The following UAP1 variants were observed in gnomAD, a reference collection of about 807,000 sequenced individuals.
UAP1 encodes UDP-N-acetylhexosamine pyrophosphorylase.
In UAP1, 25 loss-of-function variants were observed where a neutral mutation model predicts 58.5. The observed-to-expected ratio is 0.43, with a 90% CI of 0.31 to 0.60. The LOEUF is 0.60. Ranked by LOEUF, UAP1 falls within the 20% of genes least tolerant of loss-of-function variation. The pLI, the probability that UAP1 is intolerant of heterozygous loss-of-function variation, is 0.11. For synonymous variants in UAP1, 208 were observed against 213.0 expected (o/e 0.98, Z 0.21); for missense variants, 575 against 630.0 (o/e 0.91, Z 0.93).
intron 8 of UAP1, among the ~76,000 whole-genome samples, chr1:162,592,066 C>T (rs968924932): frequency 3.9e-5 from 6 of 152,130 alleles, no homozygotes; most frequent in Non-Finnish European, 7.3e-5. Context: ...ATATTCCTAA[C>T]GGATAAGATG....
At chr1:162,562,692 G>A (rs1289013228) in intron 1 of UAP1, 1 of 150,892 alleles carries the variant, frequency 6.6e-6, no homozygotes, top group Non-Finnish European at 1.5e-5. Flanking sequence ...GGAAACTCAA[G>A]GCAGTTGTCT....
chr1:162,583,265 G>T (rs924719107), intron 5 of UAP1, among the ~76,000 whole-genome samples: 2 of 143,720 alleles, frequency 1.4e-5, no homozygotes, highest in Non-Finnish European at 3.0e-5. Context: ...CAATTCTCCT[G>T]CCTCAGCCTC....
intron 5 of UAP1, among the ~76,000 whole-genome samples, chr1:162,582,137 T>C (rs1654630847): frequency 6.6e-6 from 1 of 152,218 alleles, no homozygotes; most frequent in Non-Finnish European, 1.5e-5. Flanking sequence ...AAAAACACTT[T>C]GGAAGACCTA....
At chr1:162,590,552 G>A in intron 8 of UAP1, 41 bp downstream of exon 8, 1 of 1,499,232 alleles carries the variant, frequency 6.7e-7, no homozygotes. Flanking sequence ...ATCCTTTCTT[G>A]GACTTTTCCT....
At chr1:162,598,041 A>G (rs540948832) in intron 10 of UAP1, among the ~76,000 whole-genome samples, 183 bp downstream of exon 10, 1 of 152,156 alleles carries the variant, frequency 6.6e-6, no homozygotes, top group Non-Finnish European at 1.5e-5. Flanking sequence ...ATCACATTGT[A>G]TCTGAAAAAT....
intron 3 of UAP1, 89 bp downstream of exon 3, chr1:162,577,070 ATATT>A: frequency 8.1e-7 from 1 of 1,240,224 alleles, no homozygotes; most frequent in Non-Finnish European, 1.1e-6. Context: ...ACTCACAGAC[ATATT>A]TCTTGTTACT....
chr1:162,600,749 T>C (rs1655868508), downstream of UAP1, among the ~76,000 whole-genome samples: 1 of 152,156 alleles, frequency 6.6e-6, no homozygotes, highest in African/African-American at 2.4e-5. Context: ...TTTTCTATTT[T>C]ATTTCAATAA....
rs151151506 is a variant in UAP1 at position 162,566,095 on chromosome 1, G to A, written c.27G>A (p.Thr9=). The change falls in exon 2 of 11, where the codon ACG becomes ACA. Residue 9 remains threonine, a synonymous_variant. Coordinates refer to ENST00000271469, the Ensembl canonical transcript of UAP1. ...TGAACATTAATGACCTCAAACTCAC[G>A]TTGTCCAAAGCTGGGCAAGAGCACC... 8.8e-4 allele frequency: 1,417 copies of A among 1,612,288 alleles called. 8 individuals are homozygous for A. Among genetic ancestry groups the A allele is most frequent in the South Asian group, 4.9e-3 (443 of 90,992 alleles).
chr1:162,581,255 A>G, intron 4 of UAP1, 32 bp from the exon 5 acceptor site: 2 of 1,575,934 alleles, frequency 1.3e-6, no homozygotes, highest in Non-Finnish European at 1.7e-6. Flanking sequence ...ATGGATTTTG[A>G]TATGCTACTA....
At chr1:162,581,369 T>C in exon 5 of UAP1, 3 of 1,614,158 alleles carry the variant, frequency 1.9e-6, no homozygotes, top group Non-Finnish European at 2.5e-6. Flanking sequence ...GGAGCATTCA[T>C]GTCTATTGTG....
intron 2 of UAP1, among the ~76,000 whole-genome samples, chr1:162,576,502 G>A (rs1027468390): frequency 1.3e-5 from 2 of 152,056 alleles, no homozygotes; most frequent in African/African-American, 2.4e-5. Flanking sequence ...AGTCATCCAC[G>A]ATTCTATGTA....
At chr1:162,572,286 T>G (rs1305428376) in intron 2 of UAP1, among the ~76,000 whole-genome samples, 1 of 152,218 alleles carries the variant, frequency 6.6e-6, no homozygotes, top group Non-Finnish European at 1.5e-5. Context: ...AGCAAAACTT[T>G]AAATGTGAAA....
intron 5 of UAP1, among the ~76,000 whole-genome samples, chr1:162,582,725 A>C (rs1273824443): frequency 6.6e-6 from 1 of 152,246 alleles, no homozygotes; most frequent in Non-Finnish European, 1.5e-5. Context: ...ACAAAAACAA[A>C]TTCGATTTCA....
intron 4 of UAP1, among the ~76,000 whole-genome samples, chr1:162,580,902 G>C (rs577374279): frequency 1.3e-5 from 2 of 152,122 alleles, no homozygotes; most frequent in East Asian, 3.9e-4. Flanking sequence ...GTCAGCATTG[G>C]GGTTATAAAT....
intron 8 of UAP1, among the ~76,000 whole-genome samples, chr1:162,591,247 C>T (rs1348058596): frequency 6.6e-6 from 1 of 151,884 alleles, no homozygotes; most frequent in Non-Finnish European, 1.5e-5. Context: ...GTTAATAGTA[C>T]TGTCTGTGAG....
At chr1:162,599,816 A>G (rs1655830101) in exon 11 of UAP1, 1 of 152,472 alleles carries the variant, frequency 6.6e-6, no homozygotes, top group Non-Finnish European at 1.5e-5. Context: ...CAGTGAAATA[A>G]ATGTATCTTC....
At chr1:162,596,288 G>T (rs1202305902) in intron 9 of UAP1, among the ~76,000 whole-genome samples, 1 of 151,840 alleles carries the variant, frequency 6.6e-6, no homozygotes, top group Non-Finnish European at 1.5e-5. Flanking sequence ...CGATTCTCCT[G>T]CCTCAGCCTC....
intron 4 of UAP1, among the ~76,000 whole-genome samples, chr1:162,580,796 A>G (rs1412182230): frequency 1.7e-4 from 26 of 152,190 alleles, no homozygotes; most frequent in Admixed American, 1.3e-4. Context: ...CTTTATTTAT[A>G]TCTCGTTTAA....
At chr1:162,587,799 T>C in intron 6 of UAP1, 131 bp downstream of exon 6, 1 of 878,944 alleles carries the variant, frequency 1.1e-6, no homozygotes, top group Non-Finnish European at 1.7e-6. Flanking sequence ...ACTTATCAAA[T>C]GGACATTTAT....
Sources: allele counts gnomAD v4.1 joint callset (sites outside exome capture counted in the v4.1 genomes callset), GRCh38; gene constraint gnomAD v4.1.1; transcripts MANE v1.5; gene names NCBI Gene and HGNC (gene_info 2026-07-23, HGNC 2026-07-21).